ST6GAL1: variants seen among roughly 807,000 people sequenced by gnomAD.
The protein encoded by ST6GAL1 is beta-galactoside alpha-2,6-sialyltransferase 1.
Under a neutral mutation model 38.0 loss-of-function variants are expected in ST6GAL1, and 20 were observed. The observed-to-expected ratio is 0.53, with a 90% CI of 0.37 to 0.77. ST6GAL1 has a LOEUF of 0.77. Ranked by LOEUF, ST6GAL1 falls within the 30% of genes least tolerant of loss-of-function variation. The probability of loss-of-function intolerance (pLI) is 0.00; values close to 1 mark genes in which losing one functional copy is unlikely to be tolerated. For synonymous variants in ST6GAL1, 196 were observed against 188.2 expected, an observed-to-expected ratio of 1.04 and a Z score of -0.34; for missense variants, 432 against 496.4, an observed-to-expected ratio of 0.87 and a Z score of 1.23.
At position 186,934,477 on chromosome 3, in the gene ST6GAL1, G is replaced by A. The variant is rs1408105309; in HGVS notation, c.-325+3643G>A. Among the ~76,000 whole-genome samples the A allele has an allele frequency of 6.6e-5, 10 of 152,074 alleles. No individual in the cohort carries two copies. In the East Asian group the frequency reaches 1.7e-3, roughly 27 times the overall value. Reference sequence around the variant, plus strand: ...CCTGGGAGGCTGAGACAGGAGAATCGCTGGAGCCTGGGAGGTGGAGGTTGC... The same window carrying A: ...CCTGGGAGGCTGAGACAGGAGAATCACTGGAGCCTGGGAGGTGGAGGTTGC... On this transcript the variant is annotated intron_variant, in intron 1 of 7. Transcript: ENST00000169298.
At chr3:186,976,668 G>A (rs1358966929) in intron 2 of ST6GAL1, among the ~76,000 whole-genome samples, 1 of 152,162 alleles carries the variant, frequency 6.6e-6, no homozygotes, top group Non-Finnish European at 1.5e-5. Flanking sequence ...GACCTCAAGT[G>A]ATCCACCTAG....
At chr3:187,061,876 C>T (rs545165763) in intron 5 of ST6GAL1, among the ~76,000 whole-genome samples, 37 of 152,204 alleles carry the variant, frequency 2.4e-4, no homozygotes, top group African/African-American at 8.7e-4. Context: ...ACAAGTTGGA[C>T]TTTATGAAAA....
intron 1 of ST6GAL1, among the ~76,000 whole-genome samples, chr3:186,936,797 C>T (rs1038025936): frequency 6.6e-6 from 1 of 151,860 alleles, no homozygotes; most frequent in African/African-American, 2.4e-5. Flanking sequence ...AAAAATCAGC[C>T]GGACATGGTG....
chr3:187,029,649 G>A (rs547125173), intron 2 of ST6GAL1, among the ~76,000 whole-genome samples: 4 of 152,304 alleles, frequency 2.6e-5, no homozygotes, highest in Admixed American at 6.5e-5. Flanking sequence ...TAGGGATCGC[G>A]AACTTGAAGT....
chr3:187,034,605 C>T (rs971439521), intron 2 of ST6GAL1, among the ~76,000 whole-genome samples: 2 of 152,104 alleles, frequency 1.3e-5, no homozygotes, highest in Non-Finnish European at 2.9e-5. Flanking sequence ...TCTACACAGA[C>T]ACATTAATAA....
chr3:187,064,785 G>GTCTGTCTTCTCTA (rs1444571352), intron 5 of ST6GAL1, among the ~76,000 whole-genome samples: 1 of 152,154 alleles, frequency 6.6e-6, no homozygotes, highest in African/African-American at 2.4e-5. Context: ...AAAGCTGGTG[G>GTCTGTCTTCTCTA]TCTGTCTTCT....
chr3:186,958,407 A>G (rs1714816028), intron 1 of ST6GAL1, among the ~76,000 whole-genome samples: 1 of 152,218 alleles, frequency 6.6e-6, no homozygotes, highest in African/African-American at 2.4e-5. Context: ...GGTATATAGA[A>G]TGGTGGTAAG....
chr3:186,998,348 TTA>T (rs911333220), intron 2 of ST6GAL1, among the ~76,000 whole-genome samples: 11 of 152,186 alleles, frequency 7.2e-5, no homozygotes, highest in African/African-American at 2.4e-4. Context: ...AACACATATT[TTA>T]TATGTTATGT....
chr3:186,942,953 T>C (rs923275801), intron 1 of ST6GAL1, among the ~76,000 whole-genome samples: 1 of 152,202 alleles, frequency 6.6e-6, no homozygotes, highest in Non-Finnish European at 1.5e-5. Context: ...TCCACCGACC[T>C]CGGCCTCCCA....
chr3:187,021,417 T>C (rs1045831184), intron 2 of ST6GAL1, among the ~76,000 whole-genome samples: 2 of 152,174 alleles, frequency 1.3e-5, no homozygotes, highest in African/African-American at 2.4e-5. Flanking sequence ...AAGGTTTTTA[T>C]GTTTTCTGGC....
At chr3:187,030,063 G>GT (rs765942132) in intron 2 of ST6GAL1, among the ~76,000 whole-genome samples, 1 of 152,172 alleles carries the variant, frequency 6.6e-6, no homozygotes, top group Non-Finnish European at 1.5e-5. Context: ...AATCACTGGG[G>GT]TAGAGGAGAT....
At chr3:187,056,705 C>T (rs924589091) in intron 5 of ST6GAL1, among the ~76,000 whole-genome samples, 1 of 152,128 alleles carries the variant, frequency 6.6e-6, no homozygotes, top group Non-Finnish European at 1.5e-5. Flanking sequence ...TTGTGGGTAA[C>T]CTGATGTTTC....
chr3:187,050,568 G>GAC (rs1718479240), intron 4 of ST6GAL1, among the ~76,000 whole-genome samples: 3 of 151,026 alleles, frequency 2.0e-5, no homozygotes, highest in Non-Finnish European at 3.0e-5. Flanking sequence ...GAGGGAGGGA[G>GAC]GGAAGGAAGG....
At chr3:186,990,604 T>A (rs1278349015) in intron 2 of ST6GAL1, among the ~76,000 whole-genome samples, 1 of 151,808 alleles carries the variant, frequency 6.6e-6, no homozygotes, top group Non-Finnish European at 1.5e-5. Context: ...CCCAGCCGCC[T>A]TCTCCCATCC....
At chr3:187,059,303 A>C (rs1208348816) in intron 5 of ST6GAL1, among the ~76,000 whole-genome samples, 1 of 152,180 alleles carries the variant, frequency 6.6e-6, no homozygotes. Flanking sequence ...CTGGACCTTC[A>C]TGGCTGCTTG....
At chr3:186,940,343 A>G (rs1714124188) in intron 1 of ST6GAL1, among the ~76,000 whole-genome samples, 1 of 152,124 alleles carries the variant, frequency 6.6e-6, no homozygotes, top group African/African-American at 2.4e-5. Flanking sequence ...AGCTTATGCC[A>G]TTCCTCCCTC....
chr3:187,034,272 C>A (rs764033264), intron 2 of ST6GAL1, among the ~76,000 whole-genome samples: 4 of 152,052 alleles, frequency 2.6e-5, no homozygotes, highest in Non-Finnish European at 5.9e-5. Context: ...AAAAAACTTA[C>A]CACCAAAAAA....
In ST6GAL1 at chr3:186,954,574, T is replaced by C. The variant is rs368707392; in HGVS notation, c.-324-9211T>C. 1.3e-3 allele frequency among the ~76,000 whole-genome samples: 197 copies of C among 152,364 alleles called. 1 individual carries two copies. Among genetic ancestry groups the C allele is most frequent in the African/African-American group, 4.6e-3 (192 of 41,584 alleles). ...GTGGTTTTGATTTGCATTTTTCTAATGATGCATGGTGTTGAGCATTTTTTC... is the reference window on the plus strand; with the variant it reads ...GTGGTTTTGATTTGCATTTTTCTAACGATGCATGGTGTTGAGCATTTTTTC... On this transcript the variant is annotated intron_variant, in intron 1 of 7. Coordinates refer to ENST00000169298, the MANE Select transcript of ST6GAL1 (RefSeq NM_173216.2).
At chr3:187,013,286 T>G (rs1454922847) in intron 2 of ST6GAL1, among the ~76,000 whole-genome samples, 1 of 152,168 alleles carries the variant, frequency 6.6e-6, no homozygotes, top group Admixed American at 6.5e-5. Context: ...CCTTCTCCCA[T>G]CTATTACTTC....
Sources: gnomAD v4.1 joint callset for allele counts (sites outside exome capture counted in the v4.1 genomes callset) on GRCh38, gnomAD v4.1.1 for gene constraint, MANE v1.5 for transcripts, NCBI Gene and HGNC (gene_info 2026-07-23, HGNC 2026-07-21) for gene names.